The following B3GALT1 variants were observed in gnomAD, a reference collection of about 807,000 sequenced individuals.
B3GALT1 encodes the protein beta-1,3-galactosyltransferase 1, also known as UDP-Gal:betaGlcNAc beta 1,3-galactosyltransferase, polypeptide 1.
In B3GALT1, 10 loss-of-function variants were observed where a neutral mutation model predicts 23.2. The observed-to-expected ratio is 0.43, with a 90% CI of 0.27 to 0.73. The LOEUF is 0.73. Ranked by LOEUF, B3GALT1 falls within the 30% of genes least tolerant of loss-of-function variation. The pLI is 0.21. For synonymous variants in B3GALT1, 156 were observed against 141.5 expected (o/e 1.10, Z -0.73); for missense variants, 299 against 405.4 (o/e 0.74, Z 2.25).
intron 1 of B3GALT1, among the ~76,000 whole-genome samples, chr2:167,379,399 T>A (rs1437387351): frequency 6.6e-6 from 1 of 152,098 alleles, no homozygotes; most frequent in African/African-American, 2.4e-5. Context: ...TCTTTCCCTA[T>A]AATATTATTA....
intron 1 of B3GALT1, among the ~76,000 whole-genome samples, chr2:167,413,461 A>G (rs999883075): frequency 6.6e-6 from 1 of 152,020 alleles, no homozygotes; most frequent in Non-Finnish European, 1.5e-5. Flanking sequence ...AGAGGGTATG[A>G]TAAAATCCTC....
chr2:167,323,258 G>A (rs1696840902), intron 1 of B3GALT1, among the ~76,000 whole-genome samples: 1 of 151,972 alleles, frequency 6.6e-6, no homozygotes, highest in African/African-American at 2.4e-5. Flanking sequence ...GAGTATATAC[G>A]ATGTGGCATG....
At chr2:167,666,941 T>C (rs1027009812) in intron 3 of B3GALT1, among the ~76,000 whole-genome samples, 5 of 152,086 alleles carry the variant, frequency 3.3e-5, no homozygotes, top group Admixed American at 6.5e-5. Flanking sequence ...GAGCATTTAG[T>C]CCATTTACAT....
intron 4 of B3GALT1, among the ~76,000 whole-genome samples, chr2:167,850,930 T>C (rs1279007048): frequency 6.6e-6 from 1 of 152,130 alleles, no homozygotes; most frequent in Non-Finnish European, 1.5e-5. Context: ...CTTTCTCCTG[T>C]ATCCAAATAC....
At chr2:167,604,955 C>A (rs537297130) in intron 2 of B3GALT1, among the ~76,000 whole-genome samples, 2 of 152,320 alleles carry the variant, frequency 1.3e-5, no homozygotes, top group East Asian at 1.9e-4. Flanking sequence ...TTTTTATAGT[C>A]ATTTAAGAAC....
chr2:167,481,420 C>T (rs79854526), intron 1 of B3GALT1, among the ~76,000 whole-genome samples: 1 of 148,066 alleles, frequency 6.8e-6, no homozygotes, highest in Non-Finnish European at 1.5e-5. Flanking sequence ...AATTATATAC[C>T]TCTGTAGTCT....
intron 1 of B3GALT1, among the ~76,000 whole-genome samples, chr2:167,323,701 A>G (rs1013028403): frequency 3.9e-5 from 6 of 152,172 alleles, no homozygotes; most frequent in Admixed American, 6.6e-5. Flanking sequence ...TATTACTTAT[A>G]TTCTGTTTCC....
intron 4 of B3GALT1, among the ~76,000 whole-genome samples, chr2:167,821,513 C>T (rs1350940363): frequency 6.8e-6 from 1 of 146,822 alleles, no homozygotes; most frequent in Non-Finnish European, 1.5e-5. Flanking sequence ...CTGCTTACTG[C>T]AACCTCTGCC....
chr2:167,331,129 A>G (rs916830413), intron 1 of B3GALT1, among the ~76,000 whole-genome samples: 4 of 152,034 alleles, frequency 2.6e-5, no homozygotes, highest in African/African-American at 7.2e-5. Context: ...AGAAGGGTCT[A>G]TGATTTCCTT....
chr2:167,387,015 C>T (rs1697939369), intron 1 of B3GALT1, among the ~76,000 whole-genome samples: 1 of 151,772 alleles, frequency 6.6e-6, no homozygotes, highest in Non-Finnish European at 1.5e-5. Context: ...GTAGTCTCAT[C>T]ATATCATATC....
At chr2:167,509,719 G>A (rs1425983946) in intron 2 of B3GALT1, among the ~76,000 whole-genome samples, 1 of 152,166 alleles carries the variant, frequency 6.6e-6, no homozygotes, top group Non-Finnish European at 1.5e-5. Context: ...GGCTGGAGCA[G>A]TGTGAGTTAG....
At chr2:167,662,716 A>G (rs896502519) in intron 3 of B3GALT1, among the ~76,000 whole-genome samples, 1 of 151,510 alleles carries the variant, frequency 6.6e-6, no homozygotes, top group Non-Finnish European at 1.5e-5. Flanking sequence ...AAGACCATAC[A>G]ATGGTCTGTA....
chr2:167,541,213 T>C (rs1259793695), intron 2 of B3GALT1, among the ~76,000 whole-genome samples: 1 of 152,188 alleles, frequency 6.6e-6, no homozygotes, highest in Non-Finnish European at 1.5e-5. Context: ...ACCGATCATA[T>C]GATCAAGAGG....
intron 3 of B3GALT1, among the ~76,000 whole-genome samples, chr2:167,647,818 G>A (rs533511678): frequency 5.3e-4 from 80 of 152,062 alleles, no homozygotes; most frequent in Non-Finnish European, 9.4e-4. Context: ...GTGGTTGTAT[G>A]TATTTATGGG....
chr2:167,705,247 T>C (rs1472097230), intron 3 of B3GALT1, among the ~76,000 whole-genome samples: 1 of 152,206 alleles, frequency 6.6e-6, no homozygotes, highest in East Asian at 1.9e-4. Context: ...GGTGATTTGT[T>C]ACACAACATG....
intron 2 of B3GALT1, among the ~76,000 whole-genome samples, chr2:167,511,758 A>G (rs1364910008): frequency 6.6e-6 from 1 of 152,172 alleles, no homozygotes; most frequent in Non-Finnish European, 1.5e-5. Flanking sequence ...AATTTTCTAC[A>G]TAAATTATGT....
At chr2:167,305,985 A>G (rs1696546131) in intron 1 of B3GALT1, among the ~76,000 whole-genome samples, 1 of 152,070 alleles carries the variant, frequency 6.6e-6, no homozygotes, top group Non-Finnish European at 1.5e-5. Context: ...CTTTGGTGCA[A>G]TTGAAATCGG....
chr2:167,548,274 G>A (rs1222499350), intron 2 of B3GALT1, among the ~76,000 whole-genome samples: 1 of 152,152 alleles, frequency 6.6e-6, no homozygotes, highest in Non-Finnish European at 1.5e-5. Context: ...TCTCCTTAGA[G>A]AAGGAAATCA....
intron 2 of B3GALT1, among the ~76,000 whole-genome samples, chr2:167,640,885 A>G (rs1236171475): frequency 2.0e-5 from 3 of 152,166 alleles, no homozygotes; most frequent in Non-Finnish European, 4.4e-5. Flanking sequence ...CCATAAATGA[A>G]CATTCGGATA....
Sources: allele counts gnomAD v4.1 joint callset (sites outside exome capture counted in the v4.1 genomes callset), GRCh38; gene constraint gnomAD v4.1.1; transcripts MANE v1.5; gene names NCBI Gene and HGNC (gene_info 2026-07-23, HGNC 2026-07-21).